The following EHBP1 variants were observed in gnomAD, a reference collection of about 807,000 sequenced individuals.
EHBP1 encodes the protein EH domain binding protein 1, also known as EH domain-binding protein 1.
EHBP1 carries 55 observed loss-of-function variants against 144.0 expected under a neutral mutation model. The ratio of observed to expected loss-of-function variants is 0.38; its 90% CI spans 0.31 to 0.48. The LOEUF is 0.48. Among genes scored for constraint, EHBP1 ranks in the 20% least tolerant of loss-of-function variants. EHBP1 has a pLI of 0.98. For synonymous variants in EHBP1, 469 were observed against 472.7 expected, an observed-to-expected ratio of 0.99 and a Z score of 0.10; for missense variants, 1,200 against 1,364.2, an observed-to-expected ratio of 0.88 and a Z score of 1.90.
intron 1 of EHBP1, among the ~76,000 whole-genome samples, chr2:62,697,132 C>A (rs747911860): frequency 1.3e-5 from 2 of 152,180 alleles, no homozygotes; most frequent in Non-Finnish European, 2.9e-5. Context: ...GGTTGCAGAT[C>A]ATTTCTCTCA....
At chr2:62,835,551 G>C (rs185549919) in intron 7 of EHBP1, among the ~76,000 whole-genome samples, 253 of 152,300 alleles carry the variant, frequency 1.7e-3, no homozygotes, top group African/African-American at 5.6e-3. Context: ...CGCAGAAGAC[G>C]GGTGATTTCT....
chr2:62,890,053 T>G (rs1177542193), intron 10 of EHBP1, among the ~76,000 whole-genome samples: 2 of 150,996 alleles, frequency 1.3e-5, no homozygotes, highest in Non-Finnish European at 3.0e-5. Flanking sequence ...CCTCCGCCTC[T>G]GGGTTCAAGT....
In EHBP1 at chr2:62,908,670, C is replaced by T. The variant is rs191329749; in HGVS notation, c.1186-34048C>T. ...TTTTTTTATTTGTTTTGAGTCTTGG[C>T]TTATTTAGAAGTATCATTTAGTCTC... On this transcript the variant is annotated intron_variant, in intron 10 of 22. Coordinates refer to ENST00000431489, the MANE Select transcript of EHBP1 (RefSeq NM_001142616.3). 4.9e-4 allele frequency among the ~76,000 whole-genome samples: 74 copies of T among 152,124 alleles called. 1 individual carries two copies. Among genetic ancestry groups the T allele is most frequent in the African/African-American group, 1.6e-3 (66 of 41,510 alleles).
In EHBP1 at chr2:63,038,744, G is replaced by GAA; in HGVS notation, c.3209_3210dup (p.Glu1071LysfsTer5). 6.2e-7 allele frequency: 1 copy of GAA among 1,612,804 alleles called. No individual in the cohort carries two copies. The highest frequency in any genetic ancestry group is 8.5e-7 in the Non-Finnish European group (1 of 1,179,156). On this transcript the variant is annotated frameshift_variant and splice_region_variant, in exon 21 of 23. Coordinates refer to ENST00000431489, the MANE Select transcript of EHBP1 (RefSeq NM_001142616.3). LOFTEE classifies it high-confidence loss of function. ...GATGAACTTTTGCAACTTGCCCAGGGAAAAAGAACATGATTTAGAACGACG... is the reference window on the plus strand; with the variant it reads ...GATGAACTTTTGCAACTTGCCCAGGGAAAAAAAGAACATGATTTAGAACGACG...
intron 14 of EHBP1, among the ~76,000 whole-genome samples, chr2:62,959,593 T>C (rs916374098): frequency 2.0e-5 from 3 of 152,200 alleles, no homozygotes; most frequent in African/African-American, 4.8e-5. Context: ...TGACATCTCA[T>C]TGTGATCTTG....
At chr2:62,858,765 C>T (rs2049277362) in intron 7 of EHBP1, among the ~76,000 whole-genome samples, 1 of 152,184 alleles carries the variant, frequency 6.6e-6, no homozygotes, top group African/African-American at 2.4e-5. Flanking sequence ...ATACAACATG[C>T]TACTTCTTCA....
chr2:62,969,745 A>G (rs1052678328), intron 14 of EHBP1, among the ~76,000 whole-genome samples: 3 of 152,204 alleles, frequency 2.0e-5, no homozygotes, highest in African/African-American at 7.2e-5. Context: ...CTGTTTTGCA[A>G]CAAGAAAGGC....
chr2:62,874,685 GT>G (rs2050743635), intron 10 of EHBP1, among the ~76,000 whole-genome samples, 153 bp downstream of exon 10: 1 of 152,170 alleles, frequency 6.6e-6, no homozygotes, highest in Non-Finnish European at 1.5e-5. Context: ...CTGCATTTAT[GT>G]TTGTGAGCCC....
intron 19 of EHBP1, among the ~76,000 whole-genome samples, chr2:63,014,743 C>T (rs1016001670): frequency 3.3e-5 from 5 of 152,142 alleles, no homozygotes; most frequent in East Asian, 1.9e-4. Context: ...TTTGGGAGGC[C>T]GAAGCAGGTG....
chr2:62,729,593 TATATAATAATAA>T (rs1178550913), intron 2 of EHBP1, among the ~76,000 whole-genome samples: 13 of 128,396 alleles, frequency 1.0e-4, no homozygotes, highest in East Asian at 6.2e-4. Context: ...AATAATAATA[TATATAATAATAA>T]ATATAATAAT....
In EHBP1 at chr2:62,706,995, C is replaced by A; in HGVS notation, c.-197C>A. 1.8e-6 allele frequency: 1 copy of A among 551,568 alleles called. No individual in the cohort carries two copies. Among genetic ancestry groups the A allele is most frequent in the Non-Finnish European group, 3.3e-6 (1 of 305,108 alleles). The allele number at this position is 551,568 out of a possible 1,614,324, so 34.2% of individuals were successfully genotyped here. ...ATCCTGTCACGTATATCATAGTGTTCTTGACTGGGCCATTCATCTAAGATG... is the reference window on the plus strand; with the variant it reads ...ATCCTGTCACGTATATCATAGTGTTATTGACTGGGCCATTCATCTAAGATG... On this transcript the variant is annotated 5_prime_UTR_variant, in exon 2 of 23. Transcript: ENST00000431489.
At chr2:62,785,526 T>G (rs1391444638) in intron 5 of EHBP1, among the ~76,000 whole-genome samples, 3 of 152,142 alleles carry the variant, frequency 2.0e-5, no homozygotes, top group Non-Finnish European at 4.4e-5. Flanking sequence ...GTTTGAATGT[T>G]TAGATAATTT....
intron 7 of EHBP1, among the ~76,000 whole-genome samples, chr2:62,855,376 G>A (rs1246503079): frequency 6.6e-6 from 1 of 152,128 alleles, no homozygotes; most frequent in Non-Finnish European, 1.5e-5. Flanking sequence ...GGGTGGCTGA[G>A]GGCAGCTCCA....
At chr2:62,799,003 CAAA>C (rs757731955) in intron 5 of EHBP1, among the ~76,000 whole-genome samples, 2 of 76,784 alleles carry the variant, frequency 2.6e-5, no homozygotes, top group Non-Finnish European at 2.4e-5. Context: ...GACTCCGTCT[CAAA>C]AAAAAAAAAA....
intron 10 of EHBP1, among the ~76,000 whole-genome samples, chr2:62,931,520 C>T (rs1437907581): frequency 1.3e-5 from 2 of 152,172 alleles, no homozygotes; most frequent in African/African-American, 2.4e-5. Context: ...TATGATTCAG[C>T]GATTTCACTT....
intron 5 of EHBP1, among the ~76,000 whole-genome samples, chr2:62,820,464 C>T (rs1232575502): frequency 1.3e-5 from 2 of 151,274 alleles, no homozygotes. Flanking sequence ...TGTCCATTTC[C>T]AGAACTTTTT....
chr2:62,681,360 A>ATATATATATATATATATATATATATAT (rs1276350365), intron 1 of EHBP1, among the ~76,000 whole-genome samples: 1 of 26,672 alleles, frequency 3.7e-5, no homozygotes, highest in Non-Finnish European at 6.6e-5. Flanking sequence ...ATATATATAT[A>ATATATATATATATATATATATATATAT]ATGTGTATAT....
chr2:63,022,277 C>CTTCCTCCTTCCTCT lies in EHBP1; in HGVS notation c.3104-15244_3104-15231dup. 2.0e-5 allele frequency among the ~76,000 whole-genome samples: 3 copies of CTTCCTCCTTCCTCT among 151,970 alleles called. No homozygotes were observed. The East Asian group carries it at 5.8e-4, about 29-fold the overall frequency. On this transcript the variant is annotated intron_variant, in intron 19 of 22. Transcript: ENST00000431489. The stretch of plus-strand genomic sequence containing the variant: ...GACATTGCCAGTTCCTCCTCTCCTC[C>CTTCCTCCTTCCTCT]TTCCTCCTTCCTCTTTCCTCCTTCC...
intron 10 of EHBP1, among the ~76,000 whole-genome samples, chr2:62,924,000 G>C (rs1558921580): frequency 6.6e-6 from 1 of 152,172 alleles, no homozygotes. Context: ...TCCCTACCCA[G>C]TAGACACAAC....
Sources: gnomAD v4.1 joint callset for allele counts (sites outside exome capture counted in the v4.1 genomes callset) on GRCh38, gnomAD v4.1.1 for gene constraint, MANE v1.5 for transcripts, NCBI Gene and HGNC (gene_info 2026-07-23, HGNC 2026-07-21) for gene names.